Variants in SKAP1 observed in about 807,000 individuals in gnomAD.
The protein encoded by SKAP1 is src kinase associated phosphoprotein 1.
A neutral mutation model predicts 58.5 loss-of-function variants in SKAP1; 44 were observed. That is an observed-to-expected ratio of 0.75 (90% confidence interval 0.59 to 0.97). SKAP1 has a LOEUF of 0.97. SKAP1 is among the 50% of genes least tolerant of loss of function. The probability of loss-of-function intolerance (pLI) is 0.00; values close to 1 mark genes in which losing one functional copy is unlikely to be tolerated. For missense variants in SKAP1, 390 were observed against 435.2 expected (o/e 0.90, Z 0.92); for synonymous variants, 127 against 149.7 (o/e 0.85, Z 1.11).
chr17:48,204,973 T>TTTTCTTTTCTTTTCTTTCTTTCTTTC (rs71356522), intron 4 of SKAP1, among the ~76,000 whole-genome samples: 83 of 77,294 alleles, frequency 1.1e-3, no homozygotes, highest in African/African-American at 1.9e-3. Context: ...TTTTCTTTTC[T>TTTTCTTTTCTTTTCTTTCTTTCTTTC]TTTCTTTCTT....
At chr17:48,165,900 T>C (rs1371648383) in intron 10 of SKAP1, among the ~76,000 whole-genome samples, 1 of 152,224 alleles carries the variant, frequency 6.6e-6, no homozygotes, top group Non-Finnish European at 1.5e-5. Flanking sequence ...CTAATTATTT[T>C]TTTTCCAGTC....
At chr17:48,141,078 C>T (rs896756277) in intron 11 of SKAP1, among the ~76,000 whole-genome samples, 8 of 152,018 alleles carry the variant, frequency 5.3e-5, no homozygotes, top group Admixed American at 4.6e-4. Context: ...TGAGCCACTT[C>T]GCCCAGCCCC....
intron 11 of SKAP1, among the ~76,000 whole-genome samples, chr17:48,152,823 C>T (rs1203018644): frequency 6.6e-6 from 1 of 152,184 alleles, no homozygotes; most frequent in Non-Finnish European, 1.5e-5. Flanking sequence ...AAGACGAAGA[C>T]GTTAACAGCA....
At position 48,137,259 on chromosome 17, in the gene SKAP1, C is replaced by T; in HGVS notation, c.1057G>A (p.Ala353Thr). ...GIVPKEYLTT[A>T]FEVEER ...TTTCATCTTTCTTCCACTTCAAAGG[C>T]AGTGGTGAGATACTCCTTTGGAACA... The change falls in exon 12 of 13, where the codon GCC becomes ACC. Residue 353 changes from alanine (A) to threonine (T), a missense_variant. Transcript: ENST00000336915. The T allele has an allele frequency of 1.2e-6, 2 of 1,613,240 alleles. No individual in the cohort carries two copies. Among genetic ancestry groups the T allele is most frequent in the Non-Finnish European group, 8.5e-7 (1 of 1,179,288 alleles).
At chr17:48,224,068 A>AGGAGGAGGAGGAGGAGGAGGAGGAGGAGG (rs1555605113) in intron 4 of SKAP1, among the ~76,000 whole-genome samples, 2 of 19,244 alleles carry the variant, frequency 1.0e-4, no homozygotes, top group Non-Finnish European at 1.9e-4. Flanking sequence ...GGAGGAGGAG[A>AGGAGGAGGAGGAGGAGGAGGAGGAGGAGG]AGGAGGAGGA....
At chr17:48,244,088 G>A (rs2065269196) in intron 4 of SKAP1, among the ~76,000 whole-genome samples, 1 of 152,196 alleles carries the variant, frequency 6.6e-6, no homozygotes, top group African/African-American at 2.4e-5. Context: ...TTATAATAAT[G>A]TTAGAAAATG....
At chr17:48,347,138 T>C (rs577743551) in intron 3 of SKAP1, among the ~76,000 whole-genome samples, 1 of 152,318 alleles carries the variant, frequency 6.6e-6, no homozygotes, top group East Asian at 1.9e-4. Context: ...AGGCTCTGTA[T>C]TGCAAATGGC....
rs117298155 is a variant in SKAP1 at position 48,210,269 on chromosome 17, A to G, written c.281-20769T>C. On this transcript the variant is annotated intron_variant, in intron 4 of 12. Coordinates refer to ENST00000336915, the MANE Select transcript of SKAP1 (RefSeq NM_003726.4). ...CCGTGGTTCGTAACTCTGGCTGCACATCGGAATCACCTGTCTACTTTTTAA... is the reference window on the plus strand; with the variant it reads ...CCGTGGTTCGTAACTCTGGCTGCACGTCGGAATCACCTGTCTACTTTTTAA... Among the ~76,000 whole-genome samples the G allele has an allele frequency of 6.1e-3, 922 of 152,332 alleles. 5 individuals are homozygous for G. Among genetic ancestry groups the G allele is most frequent in the Admixed American group, 8.8e-3 (134 of 15,306 alleles).
intron 4 of SKAP1, among the ~76,000 whole-genome samples, chr17:48,248,203 T>C (rs1212938129): frequency 6.6e-6 from 1 of 152,208 alleles, no homozygotes; most frequent in Non-Finnish European, 1.5e-5. Flanking sequence ...GGTAGTCTTC[T>C]TAGTTTTTAC....
At chr17:48,283,044 A>G (rs1452686128) in intron 4 of SKAP1, among the ~76,000 whole-genome samples, 2 of 152,240 alleles carry the variant, frequency 1.3e-5, no homozygotes, top group African/African-American at 4.8e-5. Flanking sequence ...TCAAACTCTT[A>G]TTTCAGAGAC....
intron 11 of SKAP1, among the ~76,000 whole-genome samples, chr17:48,144,021 AACACTGACC>A (rs1260754919): frequency 6.6e-6 from 1 of 152,166 alleles, no homozygotes; most frequent in African/African-American, 2.4e-5. Context: ...GCTCCAGGGG[AACACTGACC>A]CTGCCGACTG....
intron 4 of SKAP1, among the ~76,000 whole-genome samples, chr17:48,227,572 AC>A (rs1457542435): frequency 6.6e-6 from 1 of 152,244 alleles, no homozygotes; most frequent in African/African-American, 2.4e-5. Flanking sequence ...AGAATTCTTT[AC>A]CTCTAGTGGA....
intron 1 of SKAP1, among the ~76,000 whole-genome samples, chr17:48,411,925 T>C (rs1598673999): frequency 6.6e-6 from 1 of 152,196 alleles, no homozygotes; most frequent in African/African-American, 2.4e-5. Flanking sequence ...GATGGGATCC[T>C]GGAACAGTAA....
chr17:48,173,837 C>T (rs776845859), intron 9 of SKAP1, among the ~76,000 whole-genome samples: 5 of 152,124 alleles, frequency 3.3e-5, no homozygotes, highest in Non-Finnish European at 7.3e-5. Context: ...GAAGCTTCAC[C>T]AAAGATCTTT....
intron 4 of SKAP1, among the ~76,000 whole-genome samples, chr17:48,267,266 A>G (rs2065563934): frequency 6.6e-6 from 1 of 152,218 alleles, no homozygotes; most frequent in Non-Finnish European, 1.5e-5. Context: ...AGAAAAAAAG[A>G]CAAAATTAGA....
At chr17:48,416,575 G>C (rs2067733738) in intron 1 of SKAP1, among the ~76,000 whole-genome samples, 1 of 152,234 alleles carries the variant, frequency 6.6e-6, no homozygotes, top group African/African-American at 2.4e-5. Flanking sequence ...GTCATGTCTA[G>C]CCAACCATGC....
At chr17:48,152,569 T>C (rs1308475015) in intron 11 of SKAP1, among the ~76,000 whole-genome samples, 1 of 152,180 alleles carries the variant, frequency 6.6e-6, no homozygotes, top group Non-Finnish European at 1.5e-5. Context: ...GGAGGGAATG[T>C]CACAGTTAAA....
chr17:48,442,944 A>G, the SKAP1 span, among the ~76,000 whole-genome samples: 1 of 152,026 alleles, frequency 6.6e-6, no homozygotes, highest in Admixed American at 6.6e-5. Flanking sequence ...CACCACCATA[A>G]CCTCCTGCTT....
At chr17:48,437,563 C>A in the SKAP1 span, among the ~76,000 whole-genome samples, 6 of 151,838 alleles carry the variant, frequency 4.0e-5, no homozygotes, top group East Asian at 7.7e-4. Flanking sequence ...GCCAACACAG[C>A]GAAATCCCAT....
Sources: allele counts gnomAD v4.1 joint callset (sites outside exome capture counted in the v4.1 genomes callset), GRCh38; gene constraint gnomAD v4.1.1; transcripts MANE v1.5; gene names NCBI Gene and HGNC (gene_info 2026-07-23, HGNC 2026-07-21).